The following INPP4A variants were observed in gnomAD, a reference collection of about 807,000 sequenced individuals.
INPP4A encodes the protein inositol polyphosphate-4-phosphatase type I A, also known as inositol polyphosphate-4-phosphatase, type I, 107kD.
Under a neutral mutation model 119.8 loss-of-function variants are expected in INPP4A, and 33 were observed. The ratio of observed to expected loss-of-function variants is 0.28; its 90% CI spans 0.21 to 0.37. The LOEUF is 0.37. Among genes scored for constraint, INPP4A ranks in the 10% least tolerant of loss-of-function variants. The probability of loss-of-function intolerance (pLI) is 1.00; values close to 1 mark genes in which losing one functional copy is unlikely to be tolerated. For missense variants in INPP4A, 956 were observed against 1,289.9 expected (o/e 0.74, Z 3.97); for synonymous variants, 496 against 500.7 (o/e 0.99, Z 0.12).
chr2:98,501,583 A>G (rs1484413572), intron 1 of INPP4A, among the ~76,000 whole-genome samples: 2 of 152,200 alleles, frequency 1.3e-5, no homozygotes, highest in African/African-American at 2.4e-5. Context: ...GCAGGGAGTA[A>G]TGATTTCCCT....
At chr2:98,531,602 G>A (rs1167073689) in intron 4 of INPP4A, among the ~76,000 whole-genome samples, 2 of 152,112 alleles carry the variant, frequency 1.3e-5, no homozygotes, top group Non-Finnish European at 2.9e-5. Context: ...AATTATAAAA[G>A]CTACCAGAAA....
intron 1 of INPP4A, among the ~76,000 whole-genome samples, chr2:98,448,009 T>G (rs1694504931): frequency 7.3e-6 from 1 of 137,004 alleles, no homozygotes; most frequent in African/African-American, 2.8e-5. Flanking sequence ...ATCGCACCAC[T>G]GCACTCCAGC....
chr2:98,537,281 A>T (rs1045522523), intron 7 of INPP4A, among the ~76,000 whole-genome samples: 3 of 152,232 alleles, frequency 2.0e-5, no homozygotes, highest in Admixed American at 6.5e-5. Flanking sequence ...GATGAATCAG[A>T]TGAGCCCAGG....
chr2:98,488,418 C>G (rs945421843), intron 1 of INPP4A, among the ~76,000 whole-genome samples: 1 of 152,208 alleles, frequency 6.6e-6, no homozygotes, highest in African/African-American at 2.4e-5. Context: ...CTCCATTTGC[C>G]AGTTCTGTGT....
chr2:98,529,076 CAAAA>C (rs200658332), intron 4 of INPP4A, among the ~76,000 whole-genome samples: 14 of 94,910 alleles, frequency 1.5e-4, no homozygotes, highest in African/African-American at 4.5e-4. Flanking sequence ...GAGACTGTCT[CAAAA>C]AAAAAAAAAA....
chr2:98,450,614 T>C (rs1241076334), intron 1 of INPP4A, among the ~76,000 whole-genome samples: 2 of 152,208 alleles, frequency 1.3e-5, no homozygotes, highest in Non-Finnish European at 2.9e-5. Flanking sequence ...CAGAGGCTTG[T>C]TGGGGGATTA....
In INPP4A at chr2:98,546,588, C is replaced by T; in HGVS notation, c.1057C>T (p.Gln353Ter). 6.2e-7 allele frequency: 1 copy of T among 1,611,228 alleles called. No individual in the cohort carries two copies. Among genetic ancestry groups the T allele is most frequent in the Non-Finnish European group, 8.5e-7 (1 of 1,177,474 alleles). The change falls in exon 13 of 25, where the codon CAG (glutamine) becomes TAG (stop). Residue 353 changes from glutamine (Q) to a stop codon, truncating the protein, a stop_gained and splice_region_variant. Transcript: ENST00000409851. LOFTEE classifies it high-confidence loss of function. This position sits in a 1 kb window ranked among gnomAD's most constrained non-coding sequence, Gnocchi z 4.2. ...MRVQDDGGSD[Q>*]NYDIVTIGAP... ...GAGGAGAGCTTTCTGTCATTCAGATCAGAACTACGACATCGTCACCATTGG... is the reference window on the plus strand; with the variant it reads ...GAGGAGAGCTTTCTGTCATTCAGATTAGAACTACGACATCGTCACCATTGG...
chr2:98,580,116 G>A (rs1017875897), intron 24 of INPP4A, among the ~76,000 whole-genome samples: 1 of 152,244 alleles, frequency 6.6e-6, no homozygotes, highest in Non-Finnish European at 1.5e-5. Context: ...CTGGGGTGCC[G>A]AGTACCTGCA....
At chr2:98,537,633 C>T (rs190823326) in intron 7 of INPP4A, among the ~76,000 whole-genome samples, 1 of 152,304 alleles carries the variant, frequency 6.6e-6, no homozygotes, top group African/African-American at 2.4e-5. Context: ...TCCACACTTC[C>T]CTGTGGTGCG....
At chr2:98,508,514 C>A (rs1180250994) in intron 1 of INPP4A, among the ~76,000 whole-genome samples, 1 of 152,188 alleles carries the variant, frequency 6.6e-6, no homozygotes, top group Non-Finnish European at 1.5e-5. Flanking sequence ...CACGGGGAAG[C>A]CCGTGTCCTT....
intron 1 of INPP4A, among the ~76,000 whole-genome samples, chr2:98,499,673 T>C (rs1206473341): frequency 6.6e-6 from 1 of 152,196 alleles, no homozygotes; most frequent in Non-Finnish European, 1.5e-5. Flanking sequence ...TAAAAATTAA[T>C]AAACTTAAAT....
At chr2:98,549,223 AGTTCT>A (rs1693042175) in intron 13 of INPP4A, among the ~76,000 whole-genome samples, 1 of 152,114 alleles carries the variant, frequency 6.6e-6, no homozygotes, top group Non-Finnish European at 1.5e-5. Context: ...GAAAGGACCT[AGTTCT>A]GTTTCTCCCA....
intron 10 of INPP4A, 71 bp downstream of exon 10, chr2:98,539,746 C>T (rs967083628): frequency 2.4e-5 from 35 of 1,468,608 alleles, no homozygotes; most frequent in Non-Finnish European, 3.0e-5. Flanking sequence ...TGAGATATAG[C>T]GGGCAGAGCA....
At chr2:98,477,593 A>G (rs995075742) in intron 1 of INPP4A, among the ~76,000 whole-genome samples, 2 of 152,194 alleles carry the variant, frequency 1.3e-5, no homozygotes, top group Non-Finnish European at 1.5e-5. Flanking sequence ...CTGTATCTCC[A>G]GGAACTGTCA....
In INPP4A at chr2:98,459,572, T is replaced by A. The variant is rs192465534; in HGVS notation, c.-166+14487T>A. Among the ~76,000 whole-genome samples, 569 of 152,302 alleles carry A rather than the reference T, an allele frequency of 3.7e-3. 7 individuals are homozygous for A. The highest frequency in any genetic ancestry group is 0.013 in the African/African-American group (550 of 41,546). On this transcript the variant is annotated intron_variant, in intron 1 of 24. Coordinates refer to ENST00000409851, the MANE Select transcript of INPP4A (RefSeq NM_001134225.2). ...ACTTTACTGCATGCTACAGGGGCAT[T>A]GTGTCCCACAATGGCATTCACAGTG...
intron 1 of INPP4A, among the ~76,000 whole-genome samples, chr2:98,485,449 T>A (rs1417550693): frequency 1.3e-5 from 2 of 152,190 alleles, no homozygotes; most frequent in Admixed American, 1.3e-4. Context: ...AAGCCTGCAG[T>A]AAGAGAACTA....
intron 1 of INPP4A, among the ~76,000 whole-genome samples, chr2:98,485,912 G>A (rs1326948123): frequency 6.6e-6 from 1 of 152,212 alleles, no homozygotes; most frequent in Non-Finnish European, 1.5e-5. Flanking sequence ...TATTGAAAGA[G>A]TTGCTGTGAT....
At chr2:98,556,133 A>T (rs899303686) in intron 16 of INPP4A, 23 of 321,828 alleles carry the variant, frequency 7.1e-5, no homozygotes, top group Non-Finnish European at 2.3e-5. Flanking sequence ...AACCTGAAGG[A>T]GGCCAGGATG....
intron 8 of INPP4A, among the ~76,000 whole-genome samples, chr2:98,538,507 G>A (rs1465243519): frequency 2.0e-5 from 3 of 152,182 alleles, no homozygotes; most frequent in Non-Finnish European, 4.4e-5. Context: ...TCTAATTTCA[G>A]AGCCCTAGCG....
Sources: gnomAD v4.1 joint callset for allele counts (sites outside exome capture counted in the v4.1 genomes callset) on GRCh38, gnomAD v4.1.1 for gene constraint, Gnocchi (gnomAD v3.1) non-coding constraint, MANE v1.5 for transcripts, NCBI Gene and HGNC (gene_info 2026-07-23, HGNC 2026-07-21) for gene names.